Variants in NR3C1 observed in about 807,000 individuals in gnomAD.
NR3C1 encodes nuclear receptor subfamily 3 group C member 1, also known as glucocorticoid receptor.
In NR3C1, 14 loss-of-function variants were observed where a neutral mutation model predicts 74.0. The observed-to-expected ratio is 0.19, with a 90% CI of 0.12 to 0.30. NR3C1 has a LOEUF of 0.30. Among genes scored for constraint, NR3C1 ranks in the 10% least tolerant of loss-of-function variants. The probability of loss-of-function intolerance (pLI) is 1.00; values close to 1 mark genes in which losing one functional copy is unlikely to be tolerated. For missense variants in NR3C1, 695 were observed against 909.8 expected (o/e 0.76, Z 3.04); for synonymous variants, 308 against 332.5 (o/e 0.93, Z 0.80).
intron 4 of NR3C1, 40 bp downstream of exon 4, chr5:143,310,057 G>T: frequency 7.0e-7 from 1 of 1,423,448 alleles, no homozygotes. Context: ...ATTTTTATAA[G>T]CTACAGAGAC....
intron 4 of NR3C1, among the ~76,000 whole-genome samples, chr5:143,301,503 A>G (rs1818487588): frequency 6.6e-6 from 1 of 150,916 alleles, no homozygotes; most frequent in African/African-American, 2.4e-5. Flanking sequence ...AACCTAAAGC[A>G]GCCATTTTCA....
At chr5:143,426,584 G>A (rs369736126) in intron 1 of NR3C1, among the ~76,000 whole-genome samples, 4 of 152,188 alleles carry the variant, frequency 2.6e-5, no homozygotes. Flanking sequence ...GTAGGCAGAG[G>A]CCAAGGGAAG....
upstream of NR3C1, chr5:143,404,215 C>T: frequency 5.1e-6 from 5 of 985,344 alleles, no homozygotes; most frequent in Non-Finnish European, 6.0e-6. Context: ...CCGCCGCCGC[C>T]GGGCCGAGTT....
chr5:143,373,486 T>C (rs778659872), intron 2 of NR3C1, among the ~76,000 whole-genome samples: 23 of 151,818 alleles, frequency 1.5e-4, no homozygotes, highest in Non-Finnish European at 7.4e-5. Flanking sequence ...AGGGGAGGGA[T>C]AGCATTAGGA....
At chr5:143,381,240 G>A (rs1836177729) in intron 2 of NR3C1, among the ~76,000 whole-genome samples, 1 of 151,772 alleles carries the variant, frequency 6.6e-6, no homozygotes, top group Non-Finnish European at 1.5e-5. Flanking sequence ...CGAAAGAAGT[G>A]AAAGAGCTCT....
At chr5:143,402,749 C>T in intron 1 of NR3C1, 1 of 985,390 alleles carries the variant, frequency 1.0e-6, no homozygotes, top group Middle Eastern at 5.2e-4. Flanking sequence ...CCGGGGCCTC[C>T]CCGGAGCCCG....
At chr5:143,428,115 A>G (rs1751628865) in intron 1 of NR3C1, among the ~76,000 whole-genome samples, 1 of 152,236 alleles carries the variant, frequency 6.6e-6, no homozygotes, top group African/African-American at 2.4e-5. Flanking sequence ...GACTTACAAG[A>G]AAAGAGGACT....
At chr5:143,432,926 A>C (rs970794020) in intron 1 of NR3C1, among the ~76,000 whole-genome samples, 1 of 152,116 alleles carries the variant, frequency 6.6e-6, no homozygotes, top group East Asian at 1.9e-4. Flanking sequence ...CCTTTTCCCT[A>C]TTCAAACTTC....
At chr5:143,361,118 T>C (rs1285541410) in intron 2 of NR3C1, among the ~76,000 whole-genome samples, 1 of 152,220 alleles carries the variant, frequency 6.6e-6, no homozygotes, top group African/African-American at 2.4e-5. Context: ...ACTGTTTTTC[T>C]TAACTTAGGC....
Position 143,281,679 on chromosome 5 carries a change from TC to T in NR3C1, c.*209del. ...AACTAATAAATTTCACCATCTACTCTCCCATCACTGAAAAGTGATGACGACT... is the reference window on the plus strand; with the variant it reads ...AACTAATAAATTTCACCATCTACTCTCCATCACTGAAAAGTGATGACGACT... On this transcript the variant is annotated 3_prime_UTR_variant, in exon 9 of 9. Coordinates refer to ENST00000394464, the MANE Select transcript of NR3C1 (RefSeq NM_000176.3). 1.8e-6 allele frequency: 1 copy of T among 547,352 alleles called. No homozygotes were observed. 33.9% of individuals were successfully genotyped at this position (547,352 alleles called of 1,614,324 possible).
intron 2 of NR3C1, among the ~76,000 whole-genome samples, chr5:143,320,015 C>T (rs1363892587): frequency 6.6e-6 from 1 of 152,156 alleles, no homozygotes; most frequent in Non-Finnish European, 1.5e-5. Context: ...CTAGCGCTAG[C>T]ACTAAAAGGT....
chr5:143,313,978 T>G, intron 3 of NR3C1, 24 bp downstream of exon 3: 1 of 1,612,144 alleles, frequency 6.2e-7, no homozygotes, highest in South Asian at 1.1e-5. Flanking sequence ...AGAGGAAAAA[T>G]AAACTCTTCA....
chr5:143,415,080 C>T (rs1841432535), intron 1 of NR3C1, among the ~76,000 whole-genome samples: 1 of 152,052 alleles, frequency 6.6e-6, no homozygotes, highest in African/African-American at 2.4e-5. Context: ...AAGAAAAAAA[C>T]TTCAAAAGAT....
At chr5:143,319,431 CAGAA>C (rs550582821) in intron 2 of NR3C1, among the ~76,000 whole-genome samples, 8 of 152,140 alleles carry the variant, frequency 5.3e-5, no homozygotes, top group Non-Finnish European at 1.2e-4. Flanking sequence ...ATTATCACCT[CAGAA>C]AGCAAGTGTT....
In NR3C1 at chr5:143,403,536, C is replaced by T; in HGVS notation, c.-339G>A. On this transcript the variant is annotated 5_prime_UTR_variant, in exon 1 of 9. Coordinates refer to ENST00000394464, the MANE Select transcript of NR3C1 (RefSeq NM_000176.3). ...TCCTTCCACCCACAGAATCCGTCCC[C>T]GACGGGCAGGCGGTGACTCGGGCTC... is the stretch of plus-strand genomic sequence containing the variant. 6 of 985,638 alleles carry T rather than the reference C, an allele frequency of 6.1e-6. No homozygotes were observed. Among genetic ancestry groups the T allele is most frequent in the Non-Finnish European group, 7.2e-6 (6 of 830,162 alleles). The allele number at this position is 985,638 out of a possible 1,614,324, so 61.1% of individuals were successfully genotyped here.
rs750705576 is a variant in NR3C1, at chr5:143,400,279, G to T, written c.561C>A (p.Asp187Glu). The change falls in exon 2 of 9, where the codon GAC becomes GAA. Residue 187 changes from aspartate (D) to glutamate (E), a missense_variant. Physicochemically the swap from Asp to Glu is conservative, Grantham distance 45. Coordinates refer to ENST00000394464, the MANE Select transcript of NR3C1 (RefSeq NM_000176.3). Reference sequence around the variant, plus strand: ...CCTGCAAAATGTCAAAGGTGCTTTGGTCTGTGGTATACAATTTCACATTGC... The same window carrying T: ...CCTGCAAAATGTCAAAGGTGCTTTGTTCTGTGGTATACAATTTCACATTGC... Reference protein sequence around the residue: ...NGGNVKLYTTDQSTFDILQDL... With the variant: ...NGGNVKLYTTEQSTFDILQDL... 3 of 1,605,078 alleles carry T rather than the reference G, an allele frequency of 1.9e-6. No homozygotes were observed. The highest frequency in any genetic ancestry group is 3.4e-5 in the Admixed American group (2 of 58,682).
Position 143,400,135 on chromosome 5 carries a change from G to C in NR3C1, c.705C>G (p.Phe235Leu), listed in dbSNP as rs752096834. ...CCTCATTCGAGTTTCCTTCCAAAAG[G>C]AATGAATCGTCTTCTCCCGCCAGAG... ...LSPLAGEDDS[F>L]LLEGNSNEDC... Residue 235 changes from phenylalanine to leucine, a missense_variant, in exon 2 of 9, where the codon TTC becomes TTG. Physicochemically the swap from Phe to Leu is conservative, Grantham distance 22. This residue lies in a region of NR3C1 where 497 missense variants were observed against 489.5 expected (regional missense o/e 1.02). Coordinates refer to ENST00000394464, the MANE Select transcript of NR3C1 (RefSeq NM_000176.3). The C allele has an allele frequency of 1.5e-5, 24 of 1,614,056 alleles. No individual in the cohort carries two copies. Among genetic ancestry groups the C allele is most frequent in the Non-Finnish European group, 1.8e-5 (21 of 1,180,040 alleles).
chr5:143,287,056 CA>C (rs1167735706), intron 7 of NR3C1, among the ~76,000 whole-genome samples: 2 of 151,108 alleles, frequency 1.3e-5, no homozygotes. Context: ...TGAAAATATA[CA>C]AAAAATGTAT....
At chr5:143,341,829 C>T (rs1359136656) in intron 2 of NR3C1, among the ~76,000 whole-genome samples, 1 of 152,040 alleles carries the variant, frequency 6.6e-6, no homozygotes, top group Non-Finnish European at 1.5e-5. Context: ...TTCAAATGCC[C>T]TCAAATTTTA....
Sources: gnomAD v4.1 joint callset for allele counts (sites outside exome capture counted in the v4.1 genomes callset) on GRCh38, gnomAD v4.1.1 for gene constraint, gnomAD v4.1.1 regional missense constraint, MANE v1.5 for transcripts, NCBI Gene and HGNC (gene_info 2026-07-23, HGNC 2026-07-21) for gene names.